Variants in DGKA observed in about 807,000 individuals in gnomAD.
DGKA encodes 80 kDa diacylglycerol kinase.
Under a neutral mutation model 105.0 loss-of-function variants are expected in DGKA, and 35 were observed. The ratio of observed to expected loss-of-function variants is 0.33; its 90% CI spans 0.25 to 0.44. The LOEUF is 0.44. DGKA is among the 20% of genes least tolerant of loss of function. DGKA has a pLI of 1.00. For synonymous variants in DGKA, 296 were observed against 332.0 expected, an observed-to-expected ratio of 0.89 and a Z score of 1.18; for missense variants, 665 against 915.0, an observed-to-expected ratio of 0.73 and a Z score of 3.53.
upstream of DGKA, chr12:55,927,370 T>G: frequency 2.8e-6 from 2 of 721,300 alleles, no homozygotes; most frequent in Non-Finnish European, 5.0e-6. Flanking sequence ...CCAAGAGAAG[T>G]TCCGAGGCAC....
At chr12:55,941,144 G>A (rs1418349824) in intron 13 of DGKA, 108 bp from the exon 14 acceptor site, 1 of 1,378,382 alleles carries the variant, frequency 7.3e-7, no homozygotes, top group African/African-American at 1.4e-5. Flanking sequence ...AGGAGGGAGG[G>A]GGGAAATATC....
At chr12:55,927,588 G>C, upstream of DGKA, 1 of 1,137,040 alleles carries the variant, frequency 8.8e-7, no homozygotes, top group South Asian at 1.5e-5. Context: ...TGTTTCTAGG[G>C]ACGGTTGGAG....
chr12:55,936,233 C>T (rs1884671174), intron 1 of DGKA, 190 bp from the exon 2 acceptor site: 2 of 630,098 alleles, frequency 3.2e-6, no homozygotes, highest in Admixed American at 3.8e-5. Flanking sequence ...AGACAGAGGA[C>T]AGACACTGTC....
At chr12:55,928,520 A>C (rs1351590590), upstream of DGKA, among the ~76,000 whole-genome samples, 2 of 151,890 alleles carry the variant, frequency 1.3e-5, no homozygotes, top group Admixed American at 1.3e-4. Context: ...TACTAAAAAT[A>C]CAAAAAAATT....
chr12:55,945,811 A>G (rs1252991687), intron 17 of DGKA, among the ~76,000 whole-genome samples: 1 of 150,160 alleles, frequency 6.7e-6, no homozygotes, highest in Non-Finnish European at 1.5e-5. Flanking sequence ...TTTTTTTAAG[A>G]CAGAGTCTCC....
chr12:55,938,476 C>A, intron 5 of DGKA, 35 bp from the exon 6 acceptor site: 1 of 1,613,284 alleles, frequency 6.2e-7, no homozygotes, highest in Non-Finnish European at 8.5e-7. Context: ...GTATCTCTCA[C>A]AAACTGACCC....
intron 17 of DGKA, among the ~76,000 whole-genome samples, chr12:55,949,202 ATT>A (rs201663601): frequency 2.9e-3 from 420 of 145,536 alleles, no homozygotes; most frequent in African/African-American, 9.9e-3. Flanking sequence ...ATAAACAGAC[ATT>A]TTTTTTTTTT....
At chr12:55,927,660 C>T, upstream of DGKA, 2 of 1,528,534 alleles carry the variant, frequency 1.3e-6, no homozygotes, top group South Asian at 1.2e-5. Flanking sequence ...TGTCGGCCAA[C>T]CCACTCAACC....
At chr12:55,942,842 G>A (rs1886297108) in intron 17 of DGKA, among the ~76,000 whole-genome samples, 1 of 152,070 alleles carries the variant, frequency 6.6e-6, no homozygotes, top group African/African-American at 2.4e-5. Flanking sequence ...ATTGGGTTCA[G>A]GGTCCAGCTC....
Position 55,939,484 on chromosome 12 carries a change from T to C in DGKA, c.664T>C (p.Cys222Arg). Residue 222 changes from cysteine (C) to arginine (R), a missense_variant, in exon 9 of 24, where the codon TGC becomes CGC. Physicochemically the swap from Cys to Arg is radical, Grantham distance 180. This residue lies in a region of DGKA where 504 missense variants were observed against 681.2 expected (regional missense o/e 0.74). Coordinates refer to ENST00000331886, the MANE Select transcript of DGKA (RefSeq NM_001345.5). ...CCCCAGACCAGTCTACTGCAATCTG[T>C]GCGAGTCAAGCATTGGTCTTGGCAA... ...RFPRPVYCNL[C>R]ESSIGLGKQG... The C allele has an allele frequency of 1.2e-6, 2 of 1,614,158 alleles. No individual in the cohort carries two copies. The highest frequency in any genetic ancestry group is 1.7e-6 in the Non-Finnish European group (2 of 1,180,030).
chr12:55,941,550 G>T lies in DGKA; in HGVS notation c.1216G>T (p.Val406Leu), dbSNP rs1592702866. The change falls in exon 15 of 24, where the codon GTG becomes TTG. Residue 406 changes from valine to leucine, a missense_variant. Physicochemically the swap from Val to Leu is conservative, Grantham distance 32. Around this residue, in one of 3 missense-constraint regions of DGKA, gnomAD observed 504 missense variants for 681.2 expected, o/e 0.74. Transcript: ENST00000331886. Reference sequence around the variant, plus strand: ...CCAGTATATATTAAACCCTCGACAGGTGTTCAACCTCCTAAAGGATGGTCC... The same window carrying T: ...CCAGTATATATTAAACCCTCGACAGTTGTTCAACCTCCTAAAGGATGGTCC... ...KFQYILNPRQVFNLLKDGPEI... is the reference protein window; with the variant it reads ...KFQYILNPRQLFNLLKDGPEI... The T allele has an allele frequency of 1.9e-6, 3 of 1,614,166 alleles. No homozygotes were observed. In the East Asian group the frequency reaches 6.7e-5, roughly 36 times the overall value.
At chr12:55,935,958 A>G in intron 1 of DGKA, 8 of 988,570 alleles carry the variant, frequency 8.1e-6, no homozygotes, top group Non-Finnish European at 9.6e-6. Context: ...GCGCTAACGC[A>G]GTAAGAGTCA....
chr12:55,943,795 C>A (rs1886488160), intron 17 of DGKA, among the ~76,000 whole-genome samples: 1 of 152,080 alleles, frequency 6.6e-6, no homozygotes, highest in African/African-American at 2.4e-5. Context: ...ATAACCAATT[C>A]TTTGACCAGT....
At position 55,942,262 on chromosome 12, in the gene DGKA, A is replaced by C. The variant is rs1021824917; in HGVS notation, c.1425A>C (p.Gly475=). 2 of 1,613,890 alleles carry C rather than the reference A, an allele frequency of 1.2e-6. No homozygotes were observed. The highest frequency in any genetic ancestry group is 1.7e-6 in the Non-Finnish European group (2 of 1,179,954). The part of the protein sequence containing the change: ...NDLARCLRWG[G]GYEGQNLAKI... ...TGGCTCGATGCCTAAGATGGGGAGG[A>C]GGTAAGTGGTTAGAAATTGTTTTGC... The change falls in exon 17 of 24, where the codon GGA becomes GGC. Residue 475 remains glycine (G), a splice_region_variant and synonymous_variant. Coordinates refer to ENST00000331886, the MANE Select transcript of DGKA (RefSeq NM_001345.5).
In DGKA at chr12:55,953,408, A is replaced by G. The variant is rs139625046; in HGVS notation, c.2122A>G (p.Thr708Ala). Residue 708 changes from threonine (T) to alanine (A), a missense_variant and splice_region_variant, in exon 23 of 24, where the codon ACA becomes GCA. Thr to Ala is a moderately conservative substitution (Grantham distance 58, BLOSUM62 0). This residue lies in a region of DGKA where 158 missense variants were observed against 213.4 expected (regional missense o/e 0.74). Transcript: ENST00000331886. ...AGAACCCTGGATGCAGACGCCCTGTACAGTGAGTATTGACGATCCCAGCCA... is the reference window on the plus strand; with the variant it reads ...AGAACCCTGGATGCAGACGCCCTGTGCAGTGAGTATTGACGATCCCAGCCA... Reference protein sequence around the residue: ...DGEPWMQTPCTIKITHKNQMP... With the variant: ...DGEPWMQTPCAIKITHKNQMP... 6 of 1,614,018 alleles carry G rather than the reference A, an allele frequency of 3.7e-6. No homozygotes were observed. The highest frequency in any genetic ancestry group is 5.1e-6 in the Non-Finnish European group (6 of 1,180,010).
intron 1 of DGKA, chr12:55,935,386 C>T (rs2136297660): frequency 6.6e-6 from 1 of 152,224 alleles, no homozygotes; most frequent in African/African-American, 2.4e-5. Flanking sequence ...GTTCCAAAAC[C>T]GTGCTGTATT....
intron 17 of DGKA, among the ~76,000 whole-genome samples, chr12:55,950,142 T>C (rs1887865731): frequency 1.3e-5 from 2 of 151,390 alleles, no homozygotes; most frequent in South Asian, 4.2e-4. Flanking sequence ...GCCTTGCTGA[T>C]TTTTTGTATT....
At position 55,952,587 on chromosome 12, in the gene DGKA, A is replaced by C; in HGVS notation, c.1744-147A>C. The C allele has an allele frequency of 8.5e-7, 1 of 1,177,300 alleles. No individual in the cohort carries two copies. Among genetic ancestry groups the C allele is most frequent in the Non-Finnish European group, 1.2e-6 (1 of 802,694 alleles). The allele number at this position is 1,177,300 out of a possible 1,614,324, so 72.9% of individuals were successfully genotyped here. ...CCAATTCTCCAAGTCCTCAAGATAC[A>C]CTAGTCCCTATTTCCATTCCTTGCA... On this transcript the variant is annotated intron_variant, in intron 20 of 23. Coordinates refer to ENST00000331886, the MANE Select transcript of DGKA (RefSeq NM_001345.5). This position sits in a 1 kb window ranked among gnomAD's most constrained non-coding sequence, Gnocchi z 5.1.
chr12:55,941,484 T>C (rs745649209), intron 14 of DGKA, 26 bp from the exon 15 acceptor site: 2 of 1,613,798 alleles, frequency 1.2e-6, no homozygotes, highest in Admixed American at 1.7e-5. Flanking sequence ...GCGCCTGCCA[T>C]GAACTTTTCT....
Sources: gnomAD v4.1 joint callset for allele counts (sites outside exome capture counted in the v4.1 genomes callset) on GRCh38, gnomAD v4.1.1 for gene constraint, gnomAD v4.1.1 regional missense constraint, Gnocchi (gnomAD v3.1) non-coding constraint, MANE v1.5 for transcripts, NCBI Gene and HGNC (gene_info 2026-07-23, HGNC 2026-07-21) for gene names.